The following HAS3 variants were observed in gnomAD, a reference collection of about 807,000 sequenced individuals.
The protein encoded by HAS3 is hyaluronan synthase 3.
A neutral mutation model predicts 50.3 loss-of-function variants in HAS3; 27 were observed. The ratio of observed to expected loss-of-function variants is 0.54; its 90% CI spans 0.40 to 0.74. The LOEUF (loss-of-function observed/expected upper bound fraction) is 0.74. Ranked by LOEUF, HAS3 falls within the 30% of genes least tolerant of loss-of-function variation. The pLI, the probability that HAS3 is intolerant of heterozygous loss-of-function variation, is 0.00. For synonymous variants in HAS3, 339 were observed against 310.9 expected, an observed-to-expected ratio of 1.09 and a Z score of -0.95; for missense variants, 517 against 742.8, an observed-to-expected ratio of 0.70 and a Z score of 3.53.
At chr16:69,091,082 A>G in the HAS3 span, among the ~76,000 whole-genome samples, 1 of 152,152 alleles carries the variant, frequency 6.6e-6, no homozygotes, top group Non-Finnish European at 1.5e-5. Flanking sequence ...GAGATACCGT[A>G]TTTCCAAAGA....
intron 1 of HAS3, among the ~76,000 whole-genome samples, chr16:69,108,204 C>T (rs909194640): frequency 5.3e-5 from 8 of 152,136 alleles, no homozygotes; most frequent in Admixed American, 6.5e-5. Flanking sequence ...CTCACATCCC[C>T]CTCCCCACCT....
chr16:69,096,478 G>A, the HAS3 span, among the ~76,000 whole-genome samples: 8 of 133,136 alleles, frequency 6.0e-5, no homozygotes, highest in East Asian at 2.5e-4. Context: ...GGAGGTTGCC[G>A]TGAGCAAAGA....
At chr16:69,086,814 G>A in the HAS3 span, among the ~76,000 whole-genome samples, 1 of 152,184 alleles carries the variant, frequency 6.6e-6, no homozygotes, top group Non-Finnish European at 1.5e-5. Context: ...TGAGGCGGGA[G>A]AATCGCTTGA....
rs1256411170 is a variant in HAS3, at chr16:69,114,528, A to C, written c.924A>C (p.Leu308=). ...FLEDWYHQKF[L]GSKCSFGDDR... ...AGGACTGGTACCATCAGAAGTTCCT[A>C]GGCAGCAAGTGCAGCTTCGGGGATG... Residue 308 remains leucine, a synonymous_variant, in exon 4 of 4, where the codon CTA becomes CTC. Coordinates refer to ENST00000569188, the MANE Select transcript of HAS3 (RefSeq NM_001199280.2). This position sits in a 1 kb window ranked among gnomAD's most constrained non-coding sequence, Gnocchi z 6.4. The C allele has an allele frequency of 6.2e-7, 1 of 1,614,064 alleles. No homozygotes were observed. The highest frequency in any genetic ancestry group is 2.2e-5 in the East Asian group (1 of 44,876).
At position 69,114,483 on chromosome 16, in the gene HAS3, C is replaced by G. The variant is rs1003397848; in HGVS notation, c.879C>G (p.Ser293Arg). The G allele has an allele frequency of 6.8e-6, 11 of 1,613,748 alleles. No individual in the cohort carries two copies. In the Admixed American group the frequency reaches 1.5e-4, roughly 22 times the overall value. The stretch of plus-strand genomic sequence containing the variant: ...GGCCCTTGGGCATGTACCGCAACAG[C>G]CTCCTCCAGCAGTTCCTGGAGGACT... ...ISGPLGMYRN[S>R]LLQQFLEDWY... The change falls in exon 4 of 4, where the codon AGC becomes AGG. Residue 293 changes from serine to arginine, a missense_variant. Coordinates refer to ENST00000569188, the MANE Select transcript of HAS3 (RefSeq NM_001199280.2). The surrounding 1 kb of genome is among the most constrained non-coding windows in gnomAD (Gnocchi z 6.4).
the HAS3 span, among the ~76,000 whole-genome samples, chr16:69,098,155 G>A: frequency 3.3e-5 from 5 of 152,150 alleles, no homozygotes; most frequent in South Asian, 4.1e-4. Context: ...AGGCCGAGGC[G>A]GGAGGATCAC....
At chr16:69,108,434 T>A (rs1259731727) in intron 1 of HAS3, among the ~76,000 whole-genome samples, 1 of 152,232 alleles carries the variant, frequency 6.6e-6, no homozygotes, top group Non-Finnish European at 1.5e-5. Flanking sequence ...TGCCAAGTCC[T>A]GGGCTGTTAT....
chr16:69,090,092 A>G, the HAS3 span, among the ~76,000 whole-genome samples: 2 of 152,144 alleles, frequency 1.3e-5, no homozygotes, highest in Admixed American at 6.6e-5. Context: ...GTTGAATACA[A>G]TGGAGCTTCT....
At chr16:69,088,194 C>T in the HAS3 span, among the ~76,000 whole-genome samples, 1 of 152,090 alleles carries the variant, frequency 6.6e-6, no homozygotes, top group Non-Finnish European at 1.5e-5. Flanking sequence ...CAACAGTGAA[C>T]AAAACAGAAC....
rs1427342502 is a variant in HAS3 at position 69,116,749 on chromosome 16, T to G, written c.*1483T>G. ...GAAGCCATTTTCCAGTGACTTGCAA[T>G]CCAGGCTGTTCTCAGCGTTTTGAGT... On this transcript the variant is annotated 3_prime_UTR_variant, in exon 4 of 4. Transcript: ENST00000569188. 5.1e-6 allele frequency: 5 copies of G among 985,266 alleles called. No individual in the cohort carries two copies. The highest frequency in any genetic ancestry group is 5.2e-4 in the Middle Eastern group (1 of 1,936). 61.0% of individuals were successfully genotyped at this position (985,266 alleles called of 1,614,324 possible).
intron 2 of HAS3, among the ~76,000 whole-genome samples, chr16:69,112,527 A>G (rs543443915): frequency 6.6e-6 from 1 of 152,312 alleles, no homozygotes; most frequent in Non-Finnish European, 1.5e-5. Context: ...ACTTTAATAC[A>G]AGGATCTTAG....
Position 69,117,157 on chromosome 16 carries a change from A to T in HAS3, c.*1891A>T, listed in dbSNP as rs1961220216. ...CCAGGCAATCGTTCTGCTGGCCAAG[A>T]AGTTAAACTATTTTGAGCATTAGAA... On this transcript the variant is annotated 3_prime_UTR_variant, in exon 4 of 4. Coordinates refer to ENST00000569188, the MANE Select transcript of HAS3 (RefSeq NM_001199280.2). 1.0e-6 allele frequency: 1 copy of T among 985,900 alleles called. No individual in the cohort carries two copies. The highest frequency in any genetic ancestry group is 1.2e-6 in the Non-Finnish European group (1 of 829,942). 61.1% of individuals were successfully genotyped at this position (985,900 alleles called of 1,614,324 possible). A position where few individuals can be genotyped will look rare whatever the true frequency, so the allele number is the denominator to read the frequency against.
the HAS3 span, among the ~76,000 whole-genome samples, chr16:69,092,714 C>T: frequency 6.6e-6 from 1 of 152,080 alleles, no homozygotes; most frequent in African/African-American, 2.4e-5. Context: ...CAAAACCCAA[C>T]CTCAAGCCAG....
chr16:69,114,290 C>G lies in HAS3; in HGVS notation c.739-53C>G, dbSNP rs987152944. ...AAGGAGGCCTCGTGGTCTCTGATGT[C>G]TGTCCTCCGGACGTGCAACCTTAGG... On this transcript the variant is annotated intron_variant, in intron 3 of 3. Transcript: ENST00000569188. This position sits in a 1 kb window ranked among gnomAD's most constrained non-coding sequence, Gnocchi z 6.4. The G allele has an allele frequency of 2.4e-5, 37 of 1,529,338 alleles. No individual in the cohort carries two copies. The African/African-American group carries it at 3.8e-4, about 16-fold the overall frequency. The allele number at this position is 1,529,338 out of a possible 1,614,324, so 94.7% of individuals were successfully genotyped here.
the HAS3 span, among the ~76,000 whole-genome samples, chr16:69,096,329 G>C: frequency 6.6e-6 from 1 of 151,474 alleles, no homozygotes; most frequent in African/African-American, 2.4e-5. Context: ...TCAGGAGTTT[G>C]AGACCAGTCT....
the HAS3 span, among the ~76,000 whole-genome samples, chr16:69,097,932 A>C: frequency 6.6e-6 from 1 of 152,132 alleles, no homozygotes; most frequent in Non-Finnish European, 1.5e-5. Context: ...CAGTGGGAGG[A>C]ATTTACATAA....
At position 69,109,494 on chromosome 16, in the gene HAS3, C is replaced by T. The variant is rs770204888; in HGVS notation, c.99C>T (p.Tyr33=). 60 of 1,613,886 alleles carry T rather than the reference C, an allele frequency of 3.7e-5. No homozygotes were observed. The highest frequency in any genetic ancestry group is 5.0e-5 in the Admixed American group (3 of 60,010). The change falls in exon 2 of 4, where the codon TAC becomes TAT. Residue 33 remains tyrosine (Y), a synonymous_variant. Transcript: ENST00000569188. The surrounding 1 kb of genome is among the most constrained non-coding windows in gnomAD (Gnocchi z 5.3). ...TCCTGGCAGCCTATGTGACGGGCTA[C>T]CAGTTCATCCACACGGAAAAGCACT... ...GGILAAYVTG[Y]QFIHTEKHYL... is the part of the protein sequence containing the mutation.
the HAS3 span, among the ~76,000 whole-genome samples, chr16:69,099,757 G>GT: frequency 6.6e-6 from 1 of 151,408 alleles, no homozygotes; most frequent in South Asian, 2.1e-4. Flanking sequence ...TCATGAACGT[G>GT]TTTTTTTAGT....
the HAS3 span, chr16:69,084,702 C>T: frequency 3.9e-5 from 6 of 152,434 alleles, no homozygotes; most frequent in African/African-American, 1.2e-4. Flanking sequence ...TTGATGAGGC[C>T]AACCCAGAGA....
Sources: allele counts gnomAD v4.1 joint callset (sites outside exome capture counted in the v4.1 genomes callset), GRCh38; gene constraint gnomAD v4.1.1; non-coding constraint Gnocchi (gnomAD v3.1); transcripts MANE v1.5; gene names NCBI Gene and HGNC (gene_info 2026-07-23, HGNC 2026-07-21).